The following RSRC1 variants were observed in gnomAD, a reference collection of about 807,000 sequenced individuals.
RSRC1 encodes the protein serine/Arginine-related protein 53.
RSRC1 carries 39 observed loss-of-function variants against 49.1 expected under a neutral mutation model. The ratio of observed to expected loss-of-function variants is 0.79; its 90% CI spans 0.61 to 1.04. The LOEUF is 1.04. RSRC1 is among the 50% of genes least tolerant of loss of function. RSRC1 has a pLI of 0.00. For synonymous variants in RSRC1, 143 were observed against 130.8 expected, an observed-to-expected ratio of 1.09 and a Z score of -0.63; for missense variants, 388 against 402.4, an observed-to-expected ratio of 0.96 and a Z score of 0.31.
At chr3:158,160,428 T>A (rs1418354419) in intron 3 of RSRC1, among the ~76,000 whole-genome samples, 2 of 152,158 alleles carry the variant, frequency 1.3e-5, no homozygotes, top group Non-Finnish European at 2.9e-5. Context: ...GCTACCTTTT[T>A]TGAGGAAGGG....
intron 6 of RSRC1, among the ~76,000 whole-genome samples, chr3:158,456,651 A>T (rs2108398699): frequency 6.6e-6 from 1 of 152,258 alleles, no homozygotes; most frequent in Middle Eastern, 3.4e-3. Context: ...GAAGAGAGTG[A>T]TATTTGAAGT....
intron 3 of RSRC1, among the ~76,000 whole-genome samples, chr3:158,170,862 C>T (rs1218785254): frequency 6.6e-6 from 1 of 152,058 alleles, no homozygotes; most frequent in African/African-American, 2.4e-5. Flanking sequence ...GAATGTAGAG[C>T]TCTTATTCAT....
At chr3:158,201,341 C>T (rs1375538043) in intron 3 of RSRC1, among the ~76,000 whole-genome samples, 1 of 152,034 alleles carries the variant, frequency 6.6e-6, no homozygotes, top group Non-Finnish European at 1.5e-5. Context: ...TCATGGTCTT[C>T]TTAATATTTA....
intron 4 of RSRC1, among the ~76,000 whole-genome samples, chr3:158,283,141 GT>G (rs1726277956): frequency 6.6e-6 from 1 of 151,774 alleles, no homozygotes; most frequent in African/African-American, 2.4e-5. Context: ...TGGTATAAGG[GT>G]GAAAAAAAAT....
rs548352417 is a variant in RSRC1 at position 158,358,168 on chromosome 3, G to T, written c.583+3260G>T. On this transcript the variant is annotated intron_variant, in intron 6 of 9. Coordinates refer to ENST00000611884, the MANE Select transcript of RSRC1 (RefSeq NM_001271838.2). ...ATTATTATATCAAACATAAATTTGA[G>T]TCTGAGATTTTATTGTATTTGGGTT... 5.3e-5 allele frequency among the ~76,000 whole-genome samples: 8 copies of T among 152,252 alleles called. No individual in the cohort carries two copies. In the South Asian group the frequency reaches 6.2e-4, roughly 12 times the overall value.
chr3:158,530,155 CAGA>C (rs754025857), intron 7 of RSRC1, among the ~76,000 whole-genome samples: 1 of 151,992 alleles, frequency 6.6e-6, no homozygotes, highest in Non-Finnish European at 1.5e-5. Context: ...ACCATACTGT[CAGA>C]AATATACAGA....
chr3:158,120,593 G>T (rs1715184912), intron 1 of RSRC1, among the ~76,000 whole-genome samples: 2 of 145,402 alleles, frequency 1.4e-5, no homozygotes, highest in South Asian at 4.2e-4. Context: ...TTAATATTAA[G>T]TATTATATAG....
chr3:158,301,925 C>G (rs144889389), intron 5 of RSRC1, among the ~76,000 whole-genome samples: 1 of 151,620 alleles, frequency 6.6e-6, no homozygotes, highest in Non-Finnish European at 1.5e-5. Context: ...CCCTTGTAAA[C>G]AGCCAATTTT....
At chr3:158,197,456 C>A (rs1309952840) in intron 3 of RSRC1, among the ~76,000 whole-genome samples, 3 of 152,098 alleles carry the variant, frequency 2.0e-5, no homozygotes, top group African/African-American at 7.2e-5. Flanking sequence ...AAAGCAGCTC[C>A]TGATTTCATT....
chr3:158,425,041 C>T (rs1735327357), intron 6 of RSRC1, among the ~76,000 whole-genome samples: 2 of 151,306 alleles, frequency 1.3e-5, no homozygotes, highest in African/African-American at 2.4e-5. Context: ...CTCCTGGATT[C>T]GTTAATTTTT....
intron 6 of RSRC1, among the ~76,000 whole-genome samples, chr3:158,423,611 A>C (rs1399426014): frequency 6.6e-6 from 1 of 152,184 alleles, no homozygotes; most frequent in Non-Finnish European, 1.5e-5. Flanking sequence ...CAATTCTGTG[A>C]AGAAAGGCAT....
chr3:158,431,831 T>C (rs775751374), intron 6 of RSRC1, among the ~76,000 whole-genome samples: 3 of 151,946 alleles, frequency 2.0e-5, no homozygotes, highest in Non-Finnish European at 4.4e-5. Context: ...AGTAAATTGT[T>C]TTGCCTCTGA....
intron 1 of RSRC1, among the ~76,000 whole-genome samples, chr3:158,115,447 T>G (rs1714737138): frequency 6.6e-6 from 1 of 152,098 alleles, no homozygotes; most frequent in Non-Finnish European, 1.5e-5. Context: ...CTCAAACATT[T>G]TAGTCTTAGG....
intron 6 of RSRC1, among the ~76,000 whole-genome samples, chr3:158,415,053 T>C (rs138340866): frequency 0.011 from 1,718 of 152,238 alleles, 13 homozygotes; most frequent in Non-Finnish European, 0.019. Context: ...TGGATGTCCT[T>C]CATGATTTCA....
intron 7 of RSRC1, among the ~76,000 whole-genome samples, chr3:158,516,699 T>C (rs1403147674): frequency 2.0e-5 from 3 of 152,198 alleles, no homozygotes; most frequent in Non-Finnish European, 4.4e-5. Flanking sequence ...CCCAGCCTCG[T>C]TGCCGCCTTG....
At chr3:158,398,389 G>C (rs1196616034) in intron 6 of RSRC1, among the ~76,000 whole-genome samples, 1 of 152,084 alleles carries the variant, frequency 6.6e-6, no homozygotes, top group East Asian at 1.9e-4. Flanking sequence ...GTGAGGGCCA[G>C]GTGTCTGCTT....
At chr3:158,113,979 G>T (rs1714611856) in intron 1 of RSRC1, among the ~76,000 whole-genome samples, 1 of 151,990 alleles carries the variant, frequency 6.6e-6, no homozygotes, top group African/African-American at 2.4e-5. Context: ...TTCTTTTGCT[G>T]TGCAGAAACT....
In RSRC1 at chr3:158,315,132, T is replaced by C. The variant is rs553315103; in HGVS notation, c.531+17057T>C. ...CATATATGAAACCAAATGTAAACTCTTTACTGTTGTGCTTACAACTGTAAA... is the reference window on the plus strand; with the variant it reads ...CATATATGAAACCAAATGTAAACTCCTTACTGTTGTGCTTACAACTGTAAA... On this transcript the variant is annotated intron_variant, in intron 5 of 9. Coordinates refer to ENST00000611884, the MANE Select transcript of RSRC1 (RefSeq NM_001271838.2). Among the ~76,000 whole-genome samples, 4 of 152,294 alleles carry C rather than the reference T, an allele frequency of 2.6e-5. No homozygotes were observed. In the East Asian group the frequency reaches 5.8e-4, roughly 22 times the overall value.
chr3:158,513,308 G>A (rs1464694626), intron 7 of RSRC1, among the ~76,000 whole-genome samples: 3 of 148,472 alleles, frequency 2.0e-5, no homozygotes, highest in Admixed American at 6.7e-5. Context: ...CCAATTTATT[G>A]AGAGTTTTTA....
Sources: gnomAD v4.1 joint callset for allele counts (sites outside exome capture counted in the v4.1 genomes callset) on GRCh38, gnomAD v4.1.1 for gene constraint, MANE v1.5 for transcripts, NCBI Gene and HGNC (gene_info 2026-07-23, HGNC 2026-07-21) for gene names.